The following EFL1 variants were observed in gnomAD, a reference collection of about 807,000 sequenced individuals.
The protein encoded by EFL1 is elongation factor-like GTPase 1.
In EFL1, 76 loss-of-function variants were observed where a neutral mutation model predicts 126.7. The ratio of observed to expected loss-of-function variants is 0.60; its 90% CI spans 0.50 to 0.73. EFL1 has a LOEUF of 0.73. Ranked by LOEUF, EFL1 falls within the 30% of genes least tolerant of loss-of-function variation. EFL1 has a pLI of 0.00. For synonymous variants in EFL1, 410 were observed against 448.4 expected, an observed-to-expected ratio of 0.91 and a Z score of 1.08; for missense variants, 1,128 against 1,343.2, an observed-to-expected ratio of 0.84 and a Z score of 2.50.
intron 1 of EFL1, 192 bp from the exon 2 acceptor site, chr15:82,261,989 G>A (rs1223385837): frequency 1.9e-6 from 1 of 516,362 alleles, no homozygotes; most frequent in Non-Finnish European, 3.4e-6. Flanking sequence ...ATCCTACCAC[G>A]ATTACACTTA....
At chr15:82,229,878 T>C (rs2074803137) in intron 8 of EFL1, among the ~76,000 whole-genome samples, 1 of 152,220 alleles carries the variant, frequency 6.6e-6, no homozygotes, top group African/African-American at 2.4e-5. Context: ...AATTATTTCA[T>C]AGAATCATAA....
At chr15:82,260,984 CAGA>C (rs1352847825) in intron 2 of EFL1, among the ~76,000 whole-genome samples, 2 of 152,234 alleles carry the variant, frequency 1.3e-5, no homozygotes, top group Non-Finnish European at 2.9e-5. Context: ...CAGTATCTGT[CAGA>C]AGAACATACC....
At chr15:82,178,093 G>A (rs2074213236) in intron 15 of EFL1, among the ~76,000 whole-genome samples, 1 of 152,182 alleles carries the variant, frequency 6.6e-6, no homozygotes, top group Admixed American at 6.5e-5. Flanking sequence ...ATACTCAGGT[G>A]TCTTTTCTCA....
chr15:82,176,280 G>T (rs2074195037), intron 15 of EFL1, among the ~76,000 whole-genome samples: 1 of 152,142 alleles, frequency 6.6e-6, no homozygotes, highest in African/African-American at 2.4e-5. Flanking sequence ...TTTGGAATAA[G>T]CAGATTTCTT....
chr15:82,184,685 G>A (rs2074285641), intron 15 of EFL1, among the ~76,000 whole-genome samples: 2 of 152,148 alleles, frequency 1.3e-5, no homozygotes, highest in South Asian at 4.1e-4. Context: ...GGCCTTTCAT[G>A]TTCATGTTAT....
intron 15 of EFL1, among the ~76,000 whole-genome samples, chr15:82,214,057 G>A (rs2074617081): frequency 6.6e-6 from 1 of 152,036 alleles, no homozygotes; most frequent in African/African-American, 2.4e-5. Flanking sequence ...TCAATAAATA[G>A]CTCTATAGCT....
At chr15:82,151,236 A>G (rs2073903229) in intron 18 of EFL1, among the ~76,000 whole-genome samples, 1 of 152,252 alleles carries the variant, frequency 6.6e-6, no homozygotes, top group Admixed American at 6.5e-5. Context: ...AACACAAAAA[A>G]ACTTAGCTGC....
intron 2 of EFL1, among the ~76,000 whole-genome samples, chr15:82,261,362 T>A (rs2075115183): frequency 6.6e-6 from 1 of 152,160 alleles, no homozygotes; most frequent in Non-Finnish European, 1.5e-5. Context: ...TTAAATAGGA[T>A]CACATACCAC....
At chr15:82,201,219 AAC>A (rs1595979499) in intron 15 of EFL1, among the ~76,000 whole-genome samples, 2 of 152,296 alleles carry the variant, frequency 1.3e-5, no homozygotes, top group East Asian at 3.9e-4. Context: ...ATATACATTG[AAC>A]ACTCAAGAGA....
intron 9 of EFL1, 54 bp downstream of exon 9, chr15:82,228,980 T>A (rs1192119942): frequency 2.1e-6 from 3 of 1,444,440 alleles, no homozygotes; most frequent in Non-Finnish European, 2.8e-6. Flanking sequence ...AACTGGAAAG[T>A]GAGACAAATT....
At chr15:82,176,366 C>T (rs1198473316) in intron 15 of EFL1, among the ~76,000 whole-genome samples, 1 of 151,994 alleles carries the variant, frequency 6.6e-6, no homozygotes, top group Non-Finnish European at 1.5e-5. Context: ...TAAGAACTTC[C>T]GTTTATCAAG....
intron 15 of EFL1, among the ~76,000 whole-genome samples, chr15:82,170,323 C>A (rs1215246462): frequency 6.6e-6 from 1 of 151,626 alleles, no homozygotes; most frequent in African/African-American, 2.4e-5. Context: ...ACCGTTTTAG[C>A]CAGGATGGTC....
At chr15:82,171,434 A>C (rs1567049134) in intron 15 of EFL1, among the ~76,000 whole-genome samples, 1 of 152,246 alleles carries the variant, frequency 6.6e-6, no homozygotes, top group Non-Finnish European at 1.5e-5. Flanking sequence ...TGTGGAAATG[A>C]CGAAGGGGCA....
intron 11 of EFL1, among the ~76,000 whole-genome samples, chr15:82,226,165 GTTGT>G (rs555369747): frequency 3.9e-4 from 58 of 149,796 alleles, no homozygotes; most frequent in African/African-American, 1.2e-3. Context: ...TGTTGTTGTT[GTTGT>G]TTGTTTGTTT....
At chr15:82,163,280 G>A (rs747276718) in intron 16 of EFL1, among the ~76,000 whole-genome samples, 13 of 152,298 alleles carry the variant, frequency 8.5e-5, no homozygotes, top group Non-Finnish European at 1.6e-4. Flanking sequence ...TTTAGTTCAC[G>A]CCTGTAATCC....
chr15:82,250,800 A>C (rs74028515), intron 4 of EFL1, among the ~76,000 whole-genome samples: 250 of 152,318 alleles, frequency 1.6e-3, no homozygotes, highest in African/African-American at 5.8e-3. Flanking sequence ...CACTCCAATA[A>C]GACTCCTGTT....
chr15:82,251,612 G>A (rs2075022064), intron 4 of EFL1, among the ~76,000 whole-genome samples: 1 of 151,780 alleles, frequency 6.6e-6, no homozygotes, highest in Admixed American at 6.6e-5. Flanking sequence ...CACAGGATGA[G>A]AATATAACCT....
chr15:82,259,142 C>T lies in EFL1; in HGVS notation c.105G>A (p.Leu35=). 1 of 1,614,010 alleles carries T rather than the reference C, an allele frequency of 6.2e-7. No individual in the cohort carries two copies. The change falls in exon 3 of 20, where the codon CTG becomes CTA. Residue 35 remains leucine (L), a synonymous_variant. Transcript: ENST00000268206. ...CATTGCTAGATATAAGACAGTCAGCCAGAGTAGTTTTTCCTGTTAAAATAG... is the reference window on the plus strand; with the variant it reads ...CATTGCTAGATATAAGACAGTCAGCTAGAGTAGTTTTTCCTGTTAAAATAG... The part of the protein sequence containing the change: ...LAHVDHGKTT[L]ADCLISSNGI...
At chr15:82,196,905 G>A (rs1024763688) in intron 15 of EFL1, among the ~76,000 whole-genome samples, 11 of 151,978 alleles carry the variant, frequency 7.2e-5, no homozygotes, top group Non-Finnish European at 1.6e-4. Flanking sequence ...GGTGGTGGGT[G>A]CCTATAATCC....
Sources: gnomAD v4.1 joint callset for allele counts (sites outside exome capture counted in the v4.1 genomes callset) on GRCh38, gnomAD v4.1.1 for gene constraint, MANE v1.5 for transcripts, NCBI Gene and HGNC (gene_info 2026-07-23, HGNC 2026-07-21) for gene names.